SEMA6A: variants seen among roughly 807,000 people sequenced by gnomAD.
SEMA6A encodes semaphorin 6A.
Under a neutral mutation model 96.8 loss-of-function variants are expected in SEMA6A, and 25 were observed. The observed-to-expected ratio is 0.26, with a 90% CI of 0.19 to 0.36. The LOEUF is 0.36. Ranked by LOEUF, SEMA6A falls within the 10% of genes least tolerant of loss-of-function variation. The probability of loss-of-function intolerance (pLI) is 1.00; values close to 1 mark genes in which losing one functional copy is unlikely to be tolerated. For synonymous variants in SEMA6A, 612 were observed against 518.0 expected (o/e 1.18, Z -2.46); for missense variants, 1,363 against 1,323.1 (o/e 1.03, Z -0.47).
At chr5:116,525,383 G>C (rs1046870012) in intron 1 of SEMA6A, among the ~76,000 whole-genome samples, 1 of 152,134 alleles carries the variant, frequency 6.6e-6, no homozygotes, top group Non-Finnish European at 1.5e-5. Flanking sequence ...GGCCCATGAA[G>C]AGTTATTTAA....
At chr5:116,447,877 C>T in intron 18 of SEMA6A, 66 bp from the exon 19 acceptor site, 7 of 1,315,684 alleles carry the variant, frequency 5.3e-6, no homozygotes, top group Non-Finnish European at 7.2e-6. Flanking sequence ...TTTTGCTTGG[C>T]ATTCACCTTG....
intron 9 of SEMA6A, 143 bp downstream of exon 9, chr5:116,487,965 G>A (rs931161125): frequency 1.3e-5 from 7 of 530,074 alleles, no homozygotes; most frequent in Non-Finnish European, 2.0e-5. Flanking sequence ...TTACTGTTCT[G>A]AAACAGCAGA....
chr5:116,475,069 C>T (rs988334682), intron 16 of SEMA6A, among the ~76,000 whole-genome samples: 2 of 152,086 alleles, frequency 1.3e-5, no homozygotes, highest in African/African-American at 4.8e-5. Flanking sequence ...TTTCCTATTA[C>T]ATATGGTAAT....
chr5:116,542,191 T>G (rs906836359), intron 1 of SEMA6A, among the ~76,000 whole-genome samples: 53 of 152,218 alleles, frequency 3.5e-4, no homozygotes, highest in African/African-American at 1.1e-3. Flanking sequence ...CTTACATCCT[T>G]TACAGCTGTT....
intron 16 of SEMA6A, among the ~76,000 whole-genome samples, chr5:116,474,278 GCACACACACACA>G (rs113731062): frequency 1.4e-5 from 2 of 147,300 alleles, no homozygotes; most frequent in African/African-American, 2.5e-5. Flanking sequence ...GTGCACGCAT[GCACACACACACA>G]CACACACACA....
chr5:116,469,296 A>C (rs889290356), intron 17 of SEMA6A: 1 of 152,236 alleles, frequency 6.6e-6, no homozygotes, highest in Admixed American at 6.5e-5. Context: ...GGAATGCTTT[A>C]TTCTAGACTT....
In SEMA6A at chr5:116,565,838, A is replaced by AT. The variant is rs369918425; in HGVS notation, c.-39+8346dup. ...AATGCAATTTTTTGTAAAGCATTCC[A>AT]TTTTCAGGAAAGGAACGTTTCCATT... On this transcript the variant is annotated intron_variant, in intron 1 of 18. Transcript: ENST00000343348. 5.9e-4 allele frequency among the ~76,000 whole-genome samples: 90 copies of AT among 152,220 alleles called. 1 individual carries two copies. The highest frequency in any genetic ancestry group is 2.0e-3 in the African/African-American group (81 of 41,518).
intron 18 of SEMA6A, among the ~76,000 whole-genome samples, chr5:116,459,404 C>A (rs1158930822): frequency 2.0e-5 from 3 of 152,088 alleles, no homozygotes; most frequent in African/African-American, 7.2e-5. Context: ...TCCTGTGGTC[C>A]CTTTCTTCCC....
chr5:116,514,827 T>C (rs995198594), intron 1 of SEMA6A, among the ~76,000 whole-genome samples: 1 of 152,176 alleles, frequency 6.6e-6, no homozygotes, highest in East Asian at 1.9e-4. Flanking sequence ...CTGATGCAGA[T>C]AGAGATGGAA....
intron 1 of SEMA6A, among the ~76,000 whole-genome samples, chr5:116,533,353 T>C (rs1759570768): frequency 6.6e-6 from 1 of 151,936 alleles, no homozygotes; most frequent in South Asian, 2.1e-4. Context: ...TGTGCACAGA[T>C]GTGGGATTTC....
chr5:116,504,599 C>T (rs1425639986), intron 2 of SEMA6A, among the ~76,000 whole-genome samples: 1 of 152,174 alleles, frequency 6.6e-6, no homozygotes, highest in East Asian at 1.9e-4. Flanking sequence ...GATGTAGTAG[C>T]TGAGACTTCA....
intron 12 of SEMA6A, among the ~76,000 whole-genome samples, chr5:116,479,347 A>T (rs1341084141): frequency 6.6e-6 from 1 of 152,240 alleles, no homozygotes; most frequent in Non-Finnish European, 1.5e-5. Flanking sequence ...TTGACACTCC[A>T]TGGGGACCTA....
intron 1 of SEMA6A, among the ~76,000 whole-genome samples, chr5:116,572,079 C>T (rs923184027): frequency 4.6e-5 from 7 of 152,170 alleles, no homozygotes. Context: ...GGCAAAGGCA[C>T]TCGACCTTCC....
rs1755735309 is a variant in SEMA6A, at chr5:116,466,171, G to A, written c.1894+1412C>T. 2.0e-5 allele frequency among the ~76,000 whole-genome samples: 3 copies of A among 149,788 alleles called. No individual in the cohort carries two copies. The Admixed American group carries it at 2.0e-4, about 10-fold the overall frequency. ...GGATCACCTGAGGTCAGGAGTTCAA[G>A]ACCAGCCTGGCCAACATGGCAAAAC... On this transcript the variant is annotated intron_variant, in intron 18 of 18. Transcript: ENST00000343348.
Position 116,550,249 on chromosome 5 carries a change from C to T in SEMA6A, c.-39+23936G>A, listed in dbSNP as rs574558469. The T allele has an allele frequency of 5.9e-5, 9 of 152,250 alleles. No individual in the cohort carries two copies. The South Asian group carries it at 1.9e-3, about 32-fold the overall frequency. 9.4% of individuals were successfully genotyped at this position (152,250 alleles called of 1,614,324 possible). ...TATTTTAAAAGCAAAATCAACATAT[C>T]TACTGAAGGTTAGTCACAAATTTCA... On this transcript the variant is annotated intron_variant, in intron 1 of 18. Transcript: ENST00000343348.
intron 1 of SEMA6A, among the ~76,000 whole-genome samples, chr5:116,557,240 T>G (rs1760642008): frequency 6.6e-6 from 1 of 152,220 alleles, no homozygotes; most frequent in Non-Finnish European, 1.5e-5. Context: ...TTTCTTTTTG[T>G]TTTTTGAGAC....
At chr5:116,499,409 G>A (rs557855278) in intron 3 of SEMA6A, among the ~76,000 whole-genome samples, 2 of 151,714 alleles carry the variant, frequency 1.3e-5, no homozygotes, top group Non-Finnish European at 1.5e-5. Flanking sequence ...GAACCTGGGC[G>A]GGCGGGGGTT....
At chr5:116,555,932 T>C (rs1468014468) in intron 1 of SEMA6A, among the ~76,000 whole-genome samples, 1 of 152,148 alleles carries the variant, frequency 6.6e-6, no homozygotes, top group East Asian at 1.9e-4. Context: ...AAATACACAA[T>C]CTACATTACC....
At chr5:116,454,800 GTGTGTGTGTGCA>G (rs890019257) in intron 18 of SEMA6A, among the ~76,000 whole-genome samples, 4 of 150,552 alleles carry the variant, frequency 2.7e-5, no homozygotes, top group African/African-American at 4.8e-5. Context: ...GTGTGTGTGT[GTGTGTGTGTGCA>G]TGTGTGTGTG....
Sources: allele counts gnomAD v4.1 joint callset (sites outside exome capture counted in the v4.1 genomes callset), GRCh38; gene constraint gnomAD v4.1.1; transcripts MANE v1.5; gene names NCBI Gene and HGNC (gene_info 2026-07-23, HGNC 2026-07-21).